Variants in NRXN2 observed in about 807,000 individuals in gnomAD.
The protein encoded by NRXN2 is neurexin 2, also known as neurexin-2-beta.
In NRXN2, 29 loss-of-function variants were observed where a neutral mutation model predicts 128.8. The observed-to-expected ratio is 0.23, with a 90% confidence interval of 0.17 to 0.31. NRXN2 has a LOEUF of 0.31. Ranked by LOEUF, NRXN2 falls within the 10% of genes least tolerant of loss-of-function variation. The pLI, the probability that NRXN2 is intolerant of heterozygous loss-of-function variation, is 1.00. For synonymous variants in NRXN2, 1,098 were observed against 1,075.2 expected, an observed-to-expected ratio of 1.02 and a Z score of -0.41; for missense variants, 1,881 against 2,452.6, an observed-to-expected ratio of 0.77 and a Z score of 4.92.
intron 21 of NRXN2, among the ~76,000 whole-genome samples, chr11:64,621,288 C>T (rs2042310274): frequency 6.6e-6 from 1 of 152,198 alleles, no homozygotes; most frequent in Admixed American, 6.5e-5. Context: ...TCCTGGGACT[C>T]CCACCTCTCT....
At chr11:64,608,198 T>G in intron 22 of NRXN2, 116 bp from the exon 23 acceptor site, 2 of 806,298 alleles carry the variant, frequency 2.5e-6, no homozygotes, top group Non-Finnish European at 2.0e-6. Flanking sequence ...CAATTGGCTT[T>G]GGCGGAGACT....
At chr11:64,642,274 G>A (rs984000749) in intron 17 of NRXN2, among the ~76,000 whole-genome samples, 3 of 152,072 alleles carry the variant, frequency 2.0e-5, no homozygotes, top group African/African-American at 7.2e-5. Flanking sequence ...CCAGACCTAG[G>A]GGTAAGCAGG....
chr11:64,652,068 G>A lies in NRXN2; in HGVS notation c.2503C>T (p.Leu835=), dbSNP rs2047534219. The change falls in exon 13 of 23, where the codon CTG becomes TTG. Residue 835 remains leucine, a synonymous_variant. Coordinates refer to ENST00000265459, the MANE Select transcript of NRXN2 (RefSeq NM_015080.4). ...GTCACGTTGTCCACAGACAGCTGCA[G>A]GCTCTTGCCACGCCGGACCACCCTC... ...TVRVVRRGKS[L]QLSVDNVTVE... is the part of the protein sequence containing the mutation. 1 of 1,613,240 alleles carries A rather than the reference G, an allele frequency of 6.2e-7. No homozygotes were observed. The highest frequency in any genetic ancestry group is 8.5e-7 in the Non-Finnish European group (1 of 1,180,004).
chr11:64,720,825 C>T (rs1233624722), intron 1 of NRXN2, among the ~76,000 whole-genome samples: 1 of 151,944 alleles, frequency 6.6e-6, no homozygotes, highest in Admixed American at 6.6e-5. Context: ...CTGTGTAGAC[C>T]TGGGAGGGAT....
At chr11:64,703,971 T>C (rs1281989477) in intron 2 of NRXN2, among the ~76,000 whole-genome samples, 1 of 152,216 alleles carries the variant, frequency 6.6e-6, no homozygotes, top group Non-Finnish European at 1.5e-5. Context: ...GTTCAAACCA[T>C]GGCAGCCTAT....
At position 64,713,708 on chromosome 11, in the gene NRXN2, C is replaced by G; in HGVS notation, c.-9G>C. ...CGGCTCCCGGACGCCATGCCTACGG[C>G]GGCCCCGGCCCCGCCCGGCCCCCGG... is the stretch of plus-strand genomic sequence containing the variant. On this transcript the variant is annotated 5_prime_UTR_variant, in exon 2 of 23. Coordinates refer to ENST00000265459, the MANE Select transcript of NRXN2 (RefSeq NM_015080.4). 9.4e-7 allele frequency: 1 copy of G among 1,066,702 alleles called. No homozygotes were observed. The highest frequency in any genetic ancestry group is 4.3e-5 in the South Asian group (1 of 22,996). 66.1% of individuals were successfully genotyped at this position (1,066,702 alleles called of 1,614,324 possible).
chr11:64,621,346 G>A (rs893118675), intron 21 of NRXN2, among the ~76,000 whole-genome samples: 1 of 152,166 alleles, frequency 6.6e-6, no homozygotes, highest in African/African-American at 2.4e-5. Flanking sequence ...AGACCAGACA[G>A]CCCCTCGTCC....
chr11:64,648,670 G>A lies in NRXN2; in HGVS notation c.3283+64C>T. The A allele has an allele frequency of 2.5e-6, 4 of 1,599,456 alleles. No individual in the cohort carries two copies. The highest frequency in any genetic ancestry group is 3.4e-6 in the Non-Finnish European group (4 of 1,168,526). ...GAGCAAAGGCTACCTGCCCCGGTCTGCCTCTGCAGCTGGCCATCCTGTAGC... is the reference window on the plus strand; with the variant it reads ...GAGCAAAGGCTACCTGCCCCGGTCTACCTCTGCAGCTGGCCATCCTGTAGC... On this transcript the variant is annotated intron_variant, in intron 16 of 22. Coordinates refer to ENST00000265459, the MANE Select transcript of NRXN2 (RefSeq NM_015080.4). The surrounding 1 kb of genome is among the most constrained non-coding windows in gnomAD (Gnocchi z 4.1).
chr11:64,722,473 C>A (rs949185031), intron 1 of NRXN2, among the ~76,000 whole-genome samples: 1 of 151,920 alleles, frequency 6.6e-6, no homozygotes, highest in African/African-American at 2.4e-5. Context: ...CTCAGTGGGT[C>A]CCCTCAGGAC....
rs1195034996 is a variant in NRXN2 at position 64,713,418 on chromosome 11, C to G, written c.282G>C (p.Ser94=). 1.3e-6 allele frequency: 2 copies of G among 1,498,728 alleles called. No individual in the cohort carries two copies. Among genetic ancestry groups the G allele is most frequent in the Non-Finnish European group, 1.8e-6 (2 of 1,130,402 alleles). 92.8% of individuals were successfully genotyped at this position (1,498,728 alleles called of 1,614,324 possible). A position where few individuals can be genotyped will look rare whatever the true frequency, so the allele number is the denominator to read the frequency against. ...GCTGCAGCGTGGCCGGCTCGGCGCA[C>G]GAAAGCGTGAAGCGCAGCCGCAGGC... ...DGRLRLRFTL[S]CAEPATLQLD... The change falls in exon 2 of 23, where the codon TCG becomes TCC. Residue 94 remains serine (S), a synonymous_variant. Transcript: ENST00000265459.
At chr11:64,720,437 T>C (rs1223130014) in intron 1 of NRXN2, among the ~76,000 whole-genome samples, 1 of 151,522 alleles carries the variant, frequency 6.6e-6, no homozygotes, top group Non-Finnish European at 1.5e-5. Context: ...CACAGGCAGG[T>C]GTAGGGGCCC....
chr11:64,656,466 T>A (rs2048307349), intron 11 of NRXN2, among the ~76,000 whole-genome samples: 1 of 151,788 alleles, frequency 6.6e-6, no homozygotes, highest in Non-Finnish European at 1.5e-5. Flanking sequence ...AACCACTCAA[T>A]GATCAGAATG....
rs557044458 is a variant in NRXN2, at chr11:64,712,691, C to G, written c.730+279G>C. Reference sequence around the variant, plus strand: ...GCTTCATGCACCCCACCCTCAGCAGCCCCTTCAGAACCTGACCACACAGGC... The same window carrying G: ...GCTTCATGCACCCCACCCTCAGCAGGCCCTTCAGAACCTGACCACACAGGC... On this transcript the variant is annotated intron_variant, in intron 2 of 22. Transcript: ENST00000265459. The G allele has an allele frequency of 1.1e-5, 7 of 618,202 alleles. No homozygotes were observed. The East Asian group carries it at 2.2e-4, about 19-fold the overall frequency. The allele number at this position is 618,202 out of a possible 1,614,324, so 38.3% of individuals were successfully genotyped here. A position where few individuals can be genotyped will look rare whatever the true frequency, so the allele number is the denominator to read the frequency against.
intron 4 of NRXN2, among the ~76,000 whole-genome samples, chr11:64,691,124 G>C (rs1311804114): frequency 2.0e-5 from 3 of 152,198 alleles, no homozygotes; most frequent in African/African-American, 7.2e-5. Flanking sequence ...TTGCCAGTTA[G>C]ACCCTGGAGC....
chr11:64,652,255 T>C, intron 12 of NRXN2, 101 bp from the exon 13 acceptor site: 1 of 1,441,210 alleles, frequency 6.9e-7, no homozygotes, highest in Non-Finnish European at 9.4e-7. Context: ...TCCCCGCACA[T>C]GCCACACATG....
At chr11:64,702,097 T>G (rs1326784982) in intron 2 of NRXN2, among the ~76,000 whole-genome samples, 2 of 136,250 alleles carry the variant, frequency 1.5e-5, no homozygotes, top group South Asian at 5.1e-4. Flanking sequence ...GGAGCCCCTC[T>G]GCCCGGCCAG....
chr11:64,719,780 G>A (rs1163574935), intron 1 of NRXN2, among the ~76,000 whole-genome samples: 1 of 152,214 alleles, frequency 6.6e-6, no homozygotes, highest in Non-Finnish European at 1.5e-5. Context: ...TGCAGAGGGG[G>A]ACAGATGGCT....
chr11:64,685,621 C>T (rs1318004219), intron 6 of NRXN2, 25 bp downstream of exon 6: 1 of 1,614,044 alleles, frequency 6.2e-7, no homozygotes, highest in African/African-American at 1.3e-5. Context: ...TAGCTAATCC[C>T]TGGCCTTCTT....
At chr11:64,664,032 C>G (rs183766020) in intron 9 of NRXN2, among the ~76,000 whole-genome samples, 40 of 152,126 alleles carry the variant, frequency 2.6e-4, no homozygotes, top group African/African-American at 9.4e-4. Context: ...GTGCCAAGGG[C>G]TAAGAGGAGA....
Sources: gnomAD v4.1 joint callset for allele counts (sites outside exome capture counted in the v4.1 genomes callset) on GRCh38, gnomAD v4.1.1 for gene constraint, Gnocchi (gnomAD v3.1) non-coding constraint, MANE v1.5 for transcripts, NCBI Gene and HGNC (gene_info 2026-07-23, HGNC 2026-07-21) for gene names.